RALGPS1: variants seen among roughly 807,000 people sequenced by gnomAD.
RALGPS1 encodes ras-specific guanine nucleotide-releasing factor RalGPS1.
Under a neutral mutation model 78.8 loss-of-function variants are expected in RALGPS1, and 19 were observed. The ratio of observed to expected loss-of-function variants is 0.24; its 90% CI spans 0.17 to 0.35. The LOEUF is 0.35. Among genes scored for constraint, RALGPS1 ranks in the 10% least tolerant of loss-of-function variants. RALGPS1 has a pLI of 1.00. For missense variants in RALGPS1, 454 were observed against 688.3 expected, an observed-to-expected ratio of 0.66 and a Z score of 3.81; for synonymous variants, 228 against 256.3, an observed-to-expected ratio of 0.89 and a Z score of 1.06.
In RALGPS1 at chr9:127,183,568, A is replaced by AGGCCTCG. The variant is rs2060427449; in HGVS notation, c.910+8786_910+8787insGGCCTCG. ...TCTTCTGGCACAGCCGTTTGGCCTC[A>AGGCCTCG]TCAGGCCTGAGTAAGGCACAGTAGC... On this transcript the variant is annotated intron_variant, in intron 11 of 18. Transcript: ENST00000259351. The surrounding 1 kb of genome is among the most constrained non-coding windows in gnomAD (Gnocchi z 4.0). Among the ~76,000 whole-genome samples the AGGCCTCG allele has an allele frequency of 2.0e-5, 3 of 151,994 alleles. No individual in the cohort carries two copies. Among genetic ancestry groups the AGGCCTCG allele is most frequent in the Non-Finnish European group, 2.9e-5 (2 of 68,008 alleles).
In RALGPS1 at chr9:127,183,636, G is replaced by A. The variant is rs1018696676; in HGVS notation, c.910+8854G>A. Among the ~76,000 whole-genome samples, 4 of 152,082 alleles carry A rather than the reference G, an allele frequency of 2.6e-5. No individual in the cohort carries two copies. Among genetic ancestry groups the A allele is most frequent in the African/African-American group, 4.8e-5 (2 of 41,424 alleles). On this transcript the variant is annotated intron_variant, in intron 11 of 18. Coordinates refer to ENST00000259351, the MANE Select transcript of RALGPS1 (RefSeq NM_014636.3). This position sits in a 1 kb window ranked among gnomAD's most constrained non-coding sequence, Gnocchi z 4.0. ...CTGCTAGAGACATAGTTCAACCTCC[G>A]CAGGGGGTCTGTGGAGACTCCGCCT...
intron 12 of RALGPS1, 31 bp from the exon 13 acceptor site, chr9:127,196,442 CT>C (rs764191765): frequency 6.3e-7 from 1 of 1,594,246 alleles, no homozygotes; most frequent in East Asian, 2.2e-5. Context: ...AGATAAGGAG[CT>C]TTGCCTTCTT....
Position 127,069,364 on chromosome 9 carries a change from T to C in RALGPS1, c.610+8T>C. 1 of 1,612,502 alleles carries C rather than the reference T, an allele frequency of 6.2e-7. No homozygotes were observed. Among genetic ancestry groups the C allele is most frequent in the Non-Finnish European group, 8.5e-7 (1 of 1,179,344 alleles). On this transcript the variant is annotated splice_region_variant and intron_variant, in intron 8 of 18. Transcript: ENST00000259351. ...CAAGTATTCCCTATCTAGGTAGGAG[T>C]TTGAATTGGCTTATTTTTTTTTAAG...
intron 1 of RALGPS1, among the ~76,000 whole-genome samples, chr9:126,959,766 T>TCGC (rs2038703090): frequency 6.6e-6 from 1 of 152,158 alleles, no homozygotes; most frequent in East Asian, 1.9e-4. Context: ...TTAACCTAAG[T>TCGC]TTTAAACTCA....
At chr9:127,035,252 AT>A (rs1461745051) in intron 5 of RALGPS1, among the ~76,000 whole-genome samples, 1 of 152,028 alleles carries the variant, frequency 6.6e-6, no homozygotes, top group African/African-American at 2.4e-5. Flanking sequence ...TTTAAATTGA[AT>A]TTTCTTGAAT....
rs2052482780 is a variant in RALGPS1, at chr9:127,091,603, AG to A, written c.610+22251del. 6.4e-7 allele frequency: 1 copy of A among 1,558,198 alleles called. No homozygotes were observed. Among genetic ancestry groups the A allele is most frequent in the Admixed American group, 1.8e-5 (1 of 56,096 alleles). ...CTTCCCGTTTCCAAGCCCTGGAGTC[AG>A]GGGCTCTGGCTCTGGTTGACCTCTT... On this transcript the variant is annotated intron_variant, in intron 8 of 18. Coordinates refer to ENST00000259351, the MANE Select transcript of RALGPS1 (RefSeq NM_014636.3). The surrounding 1 kb of genome is among the most constrained non-coding windows in gnomAD (Gnocchi z 4.3).
chr9:127,200,290 C>T (rs1158848604), intron 14 of RALGPS1, among the ~76,000 whole-genome samples: 1 of 152,258 alleles, frequency 6.6e-6, no homozygotes, highest in Admixed American at 6.5e-5. Context: ...GGTCAGTGCT[C>T]TTGGTTGAGC....
rs137929852 is a variant in RALGPS1 at position 127,108,068 on chromosome 9, G to A, written c.610+38712G>A. 2.2e-5 allele frequency: 36 copies of A among 1,611,328 alleles called. No homozygotes were observed. The African/African-American group carries it at 4.1e-4, about 19-fold the overall frequency. On this transcript the variant is annotated intron_variant, in intron 8 of 18. Transcript: ENST00000259351. ...TAGGTGGGTGGTTGGTAGACCCGGGGCGGGGCAGCGGGGGGTGGCTGGGGG... is the reference window on the plus strand; with the variant it reads ...TAGGTGGGTGGTTGGTAGACCCGGGACGGGGCAGCGGGGGGTGGCTGGGGG...
chr9:126,996,251 T>C (rs967339962), intron 4 of RALGPS1, among the ~76,000 whole-genome samples: 32 of 152,312 alleles, frequency 2.1e-4, no homozygotes, highest in African/African-American at 7.0e-4. Flanking sequence ...GAGCTGGTTT[T>C]TTTGAAAAGA....
rs1465954370 is a variant in RALGPS1 at position 127,191,751 on chromosome 9, G to A, written c.911-3340G>A. Among the ~76,000 whole-genome samples the A allele has an allele frequency of 2.2e-5, 3 of 138,300 alleles. No homozygotes were observed. The Admixed American group carries it at 2.3e-4, about 11-fold the overall frequency. The allele number at this position is 138,300 out of a possible 152,430, so 90.7% of individuals were successfully genotyped here. On this transcript the variant is annotated intron_variant, in intron 11 of 18. Coordinates refer to ENST00000259351, the MANE Select transcript of RALGPS1 (RefSeq NM_014636.3). ...CTCACTCTGTCACCCAGGCTGGAGT[G>A]CAGTGGCACGATCTCGGCTCACTGC...
intron 9 of RALGPS1, among the ~76,000 whole-genome samples, chr9:127,166,883 C>T (rs1192783684): frequency 7.2e-5 from 11 of 152,098 alleles, no homozygotes; most frequent in African/African-American, 2.2e-4. Flanking sequence ...GCTGGATGGG[C>T]CATCCATGTG....
chr9:126,934,436 G>A lies in RALGPS1; in HGVS notation c.-66+19461G>A, dbSNP rs543676790. ...TGAAATGTGCCATTTTGAGTAGGCG[G>A]TCATGCCGTGTGGGCACCCACAGGT... On this transcript the variant is annotated intron_variant, in intron 1 of 18. Transcript: ENST00000259351. Among the ~76,000 whole-genome samples, 101 of 152,310 alleles carry A rather than the reference G, an allele frequency of 6.6e-4. 2 individuals carry two copies. The highest frequency in any genetic ancestry group is 2.4e-3 in the African/African-American group (100 of 41,562).
At chr9:127,202,608 T>TCGGGGAGGGGCAGTGAGATG (rs1262725550) in intron 14 of RALGPS1, among the ~76,000 whole-genome samples, 28 of 151,956 alleles carry the variant, frequency 1.8e-4, no homozygotes, top group African/African-American at 6.5e-4. Context: ...GCCTGTGGGG[T>TCGGGGAGGGGCAGTGAGATG]CGGGGAGGGG....
At chr9:127,143,487 G>A (rs189883852) in intron 8 of RALGPS1, among the ~76,000 whole-genome samples, 8 of 152,202 alleles carry the variant, frequency 5.3e-5, no homozygotes, top group Non-Finnish European at 7.4e-5. Context: ...CCATAGCCCC[G>A]TGCTGTGGTT....
chr9:127,162,705 T>C (rs930936060), intron 8 of RALGPS1, among the ~76,000 whole-genome samples: 2 of 152,142 alleles, frequency 1.3e-5, no homozygotes, highest in African/African-American at 4.8e-5. Context: ...TTATGAACTC[T>C]GTGGGCCTCA....
At chr9:127,006,230 G>A (rs1190502345) in intron 4 of RALGPS1, among the ~76,000 whole-genome samples, 1 of 152,182 alleles carries the variant, frequency 6.6e-6, no homozygotes, top group Non-Finnish European at 1.5e-5. Flanking sequence ...TGAAAACAGA[G>A]TATGGATTCA....
At chr9:127,066,362 C>T (rs1041488131) in intron 7 of RALGPS1, among the ~76,000 whole-genome samples, 2 of 152,176 alleles carry the variant, frequency 1.3e-5, no homozygotes, top group African/African-American at 4.8e-5. Context: ...GTTCTTTGGC[C>T]GGGCATGGTG....
chr9:127,095,337 G>A (rs1383291130), intron 8 of RALGPS1, among the ~76,000 whole-genome samples: 1 of 152,212 alleles, frequency 6.6e-6, no homozygotes, highest in African/African-American at 2.4e-5. Context: ...GGTGGAGGTT[G>A]CAGTGAGCTG....
At chr9:127,153,207 C>G (rs2058519540) in intron 8 of RALGPS1, among the ~76,000 whole-genome samples, 1 of 152,140 alleles carries the variant, frequency 6.6e-6, no homozygotes, top group Non-Finnish European at 1.5e-5. Context: ...CTTTACATCT[C>G]TGGAGCTGAG....
Sources: allele counts gnomAD v4.1 joint callset (sites outside exome capture counted in the v4.1 genomes callset), GRCh38; gene constraint gnomAD v4.1.1; non-coding constraint Gnocchi (gnomAD v3.1); transcripts MANE v1.5; gene names NCBI Gene and HGNC (gene_info 2026-07-23, HGNC 2026-07-21).